The following TNIK variants were observed in gnomAD, a reference collection of about 807,000 sequenced individuals.
TNIK encodes the protein TRAF2 and NCK-interacting protein kinase.
Under a neutral mutation model 191.3 loss-of-function variants are expected in TNIK, and 49 were observed. The observed-to-expected ratio is 0.26, with a 90% CI of 0.20 to 0.32. The LOEUF is 0.32. TNIK is among the 10% of genes least tolerant of loss of function. The pLI, the probability that TNIK is intolerant of heterozygous loss-of-function variation, is 1.00. For synonymous variants in TNIK, 594 were observed against 600.9 expected, an observed-to-expected ratio of 0.99 and a Z score of 0.17; for missense variants, 1,155 against 1,702.3, an observed-to-expected ratio of 0.68 and a Z score of 5.66.
intron 1 of TNIK, among the ~76,000 whole-genome samples, chr3:171,458,476 A>C (rs1729032160): frequency 6.6e-6 from 1 of 152,194 alleles, no homozygotes; most frequent in East Asian, 1.9e-4. Flanking sequence ...TTTCTTCTCA[A>C]CTCCTTACTT....
chr3:171,097,550 T>A (rs1722887707), intron 22 of TNIK, among the ~76,000 whole-genome samples: 1 of 152,164 alleles, frequency 6.6e-6, no homozygotes, highest in African/African-American at 2.4e-5. Flanking sequence ...CCTCTGCTGT[T>A]CTTGTGATAG....
chr3:171,376,683 T>C, intron 1 of TNIK, among the ~76,000 whole-genome samples: 1 of 149,852 alleles, frequency 6.7e-6, no homozygotes, highest in East Asian at 1.9e-4. Flanking sequence ...CCCAAAGAAG[T>C]CATCTCAACT....
chr3:171,164,162 T>C (rs1734331667), intron 10 of TNIK, among the ~76,000 whole-genome samples: 1 of 152,218 alleles, frequency 6.6e-6, no homozygotes, highest in Non-Finnish European at 1.5e-5. Flanking sequence ...AACATACCTA[T>C]TCCCAAGAAT....
At chr3:171,176,160 C>T (rs1735931151) in intron 8 of TNIK, among the ~76,000 whole-genome samples, 2 of 152,120 alleles carry the variant, frequency 1.3e-5, no homozygotes, top group Non-Finnish European at 2.9e-5. Flanking sequence ...TATTTTTAGC[C>T]CTGTCTACCA....
chr3:171,350,847 T>C (rs759906185), intron 2 of TNIK, among the ~76,000 whole-genome samples: 98 of 152,212 alleles, frequency 6.4e-4, no homozygotes, highest in Non-Finnish European at 9.3e-4. Context: ...TACCAATAAG[T>C]GGTAGAGCCA....
chr3:171,138,781 C>T (rs1479985381), intron 14 of TNIK, among the ~76,000 whole-genome samples: 1 of 152,074 alleles, frequency 6.6e-6, no homozygotes, highest in Non-Finnish European at 1.5e-5. Flanking sequence ...CAATTAAGTA[C>T]AAACTAAGCA....
chr3:171,312,142 G>GA (rs1560412356), intron 2 of TNIK, among the ~76,000 whole-genome samples: 1 of 90,202 alleles, frequency 1.1e-5, no homozygotes, highest in Non-Finnish European at 2.2e-5. Flanking sequence ...AAAAAAAAAA[G>GA]GGCTAGACTG....
chr3:171,276,182 AT>A (rs1160766500), intron 2 of TNIK, among the ~76,000 whole-genome samples: 1 of 151,210 alleles, frequency 6.6e-6, no homozygotes, highest in Non-Finnish European at 1.5e-5. Flanking sequence ...AGAACAAAAC[AT>A]TTTTAAACAT....
At chr3:171,214,058 T>A (rs909954458) in intron 3 of TNIK, among the ~76,000 whole-genome samples, 1 of 152,106 alleles carries the variant, frequency 6.6e-6, no homozygotes, top group African/African-American at 2.4e-5. Context: ...GGAACCACTG[T>A]AAGACATGGT....
intron 2 of TNIK, among the ~76,000 whole-genome samples, chr3:171,279,523 T>C (rs1185001721): frequency 6.6e-6 from 1 of 152,200 alleles, no homozygotes; most frequent in Non-Finnish European, 1.5e-5. Flanking sequence ...AATACATGAT[T>C]GTGCCACATA....
At chr3:171,155,989 G>A (rs745479218) in intron 12 of TNIK, among the ~76,000 whole-genome samples, 2 of 152,128 alleles carry the variant, frequency 1.3e-5, no homozygotes, top group Non-Finnish European at 2.9e-5. Context: ...TTATTGTGAG[G>A]ATTAAATGAG....
At chr3:171,212,817 G>C (rs951027800) in intron 3 of TNIK, among the ~76,000 whole-genome samples, 1 of 152,184 alleles carries the variant, frequency 6.6e-6, no homozygotes, top group African/African-American at 2.4e-5. Context: ...GGTAAGAATA[G>C]AGTGAGGAGA....
In TNIK at chr3:171,452,729, A is replaced by AACACACACACACACACAAACACACAC. The variant is rs1447927451; in HGVS notation, c.57+7277_57+7278insGTGTGTGTTTGTGTGTGTGTGTGTGT. Among the ~76,000 whole-genome samples, 254 of 142,618 alleles carry AACACACACACACACACAAACACACAC rather than the reference A, an allele frequency of 1.8e-3. 1 individual carries two copies. Among genetic ancestry groups the AACACACACACACACACAAACACACAC allele is most frequent in the African/African-American group, 6.3e-3 (247 of 39,100 alleles). 93.6% of individuals were successfully genotyped at this position (142,618 alleles called of 152,430 possible). ...GTTGAAATAATTGAAACACACTCCA[A>AACACACACACACACACAAACACACAC]ACACACACACACACACACACACACA... On this transcript the variant is annotated intron_variant, in intron 1 of 32. Transcript: ENST00000436636.
At chr3:171,090,874 C>T (rs1352692936) in intron 23 of TNIK, among the ~76,000 whole-genome samples, 2 of 152,124 alleles carry the variant, frequency 1.3e-5, no homozygotes, top group South Asian at 2.1e-4. Flanking sequence ...TCTTATAGAA[C>T]CATCTAGTCC....
At chr3:171,214,387 A>G (rs925742469) in intron 3 of TNIK, among the ~76,000 whole-genome samples, 7 of 152,160 alleles carry the variant, frequency 4.6e-5, no homozygotes, top group Non-Finnish European at 8.8e-5. Flanking sequence ...AGCCCCATGA[A>G]TCATCATGTA....
In TNIK at chr3:171,257,693, G is replaced by C. The variant is rs192832177; in HGVS notation, c.124-29472C>G. Among the ~76,000 whole-genome samples, 7 of 152,258 alleles carry C rather than the reference G, an allele frequency of 4.6e-5. No individual in the cohort carries two copies. The East Asian group carries it at 1.4e-3, about 29-fold the overall frequency. On this transcript the variant is annotated intron_variant, in intron 2 of 32. Transcript: ENST00000436636. ...CCAGCAACAAAGAGCCAAAAGCACT[G>C]TCCGCCAAGATCCCCTTCTCTTGGG...
intron 19 of TNIK, among the ~76,000 whole-genome samples, chr3:171,108,738 G>A (rs563885931): frequency 5.3e-5 from 8 of 152,202 alleles, no homozygotes; most frequent in South Asian, 4.1e-4. Context: ...TTGGTGGAAC[G>A]GTTTTTAATT....
chr3:171,209,855 T>A (rs1162810504), intron 4 of TNIK, among the ~76,000 whole-genome samples: 1 of 152,226 alleles, frequency 6.6e-6, no homozygotes, highest in Admixed American at 6.5e-5. Flanking sequence ...TTTTGGTCAC[T>A]GATTGCATTC....
In TNIK at chr3:171,258,541, A is replaced by G. The variant is rs1747177475; in HGVS notation, c.124-30320T>C. 1.3e-5 allele frequency among the ~76,000 whole-genome samples: 2 copies of G among 152,218 alleles called. 1 individual carries two copies. Among genetic ancestry groups the G allele is most frequent in the Admixed American group, 1.3e-4 (2 of 15,280 alleles). ...ACAGGCTCTCCTCACAACTGCCTGT[A>G]GCAACTACATAAGGAACCCACGAGA... On this transcript the variant is annotated intron_variant, in intron 2 of 32. Transcript: ENST00000436636.
Sources: allele counts gnomAD v4.1 joint callset (sites outside exome capture counted in the v4.1 genomes callset), GRCh38; gene constraint gnomAD v4.1.1; transcripts MANE v1.5; gene names NCBI Gene and HGNC (gene_info 2026-07-23, HGNC 2026-07-21).